The following KCNA6 variants were observed in gnomAD, a reference collection of about 807,000 sequenced individuals.
KCNA6 encodes human brain potassium channel-2.
Under a neutral mutation model 29.5 loss-of-function variants are expected in KCNA6, and 17 were observed. The ratio of observed to expected loss-of-function variants is 0.58; its 90% CI spans 0.39 to 0.86. The LOEUF (loss-of-function observed/expected upper bound fraction) is 0.86. KCNA6 is among the 40% of genes least tolerant of loss of function. The pLI, the probability that KCNA6 is intolerant of heterozygous loss-of-function variation, is 0.00. For synonymous variants in KCNA6, 296 were observed against 304.7 expected (o/e 0.97, Z 0.30); for missense variants, 450 against 703.4 (o/e 0.64, Z 4.07).
chr12:4,819,187 C>A, the KCNA6 span, among the ~76,000 whole-genome samples: 1 of 152,120 alleles, frequency 6.6e-6, no homozygotes, highest in East Asian at 1.9e-4. Flanking sequence ...TTCTATGGAT[C>A]CCTTTCTCAG....
the KCNA6 span, among the ~76,000 whole-genome samples, chr12:4,825,588 G>A: frequency 1.3e-5 from 2 of 152,140 alleles, no homozygotes; most frequent in Non-Finnish European, 2.9e-5. Flanking sequence ...TTTTCAGTTG[G>A]ACCATTCTGT....
the KCNA6 span, among the ~76,000 whole-genome samples, chr12:4,822,620 G>T: frequency 2.6e-5 from 4 of 152,174 alleles, no homozygotes; most frequent in Non-Finnish European, 5.9e-5. Context: ...GTAAAAATTA[G>T]AAATCAGGCA....
At chr12:4,833,068 A>T in the KCNA6 span, among the ~76,000 whole-genome samples, 1 of 152,168 alleles carries the variant, frequency 6.6e-6, no homozygotes. Flanking sequence ...CAGTGGCATT[A>T]AAAAAAGAGA....
At chr12:4,839,969 G>T in the KCNA6 span, among the ~76,000 whole-genome samples, 1 of 152,094 alleles carries the variant, frequency 6.6e-6, no homozygotes, top group African/African-American at 2.4e-5. Context: ...GTTTTCTGAA[G>T]TCAGTGAATT....
the KCNA6 span, among the ~76,000 whole-genome samples, chr12:4,828,282 T>C: frequency 6.6e-6 from 1 of 152,262 alleles, no homozygotes; most frequent in Admixed American, 6.5e-5. Flanking sequence ...TGTATATCTA[T>C]AGAGATCATT....
downstream of KCNA6, among the ~76,000 whole-genome samples, chr12:4,817,160 C>T (rs753050900): frequency 4.6e-5 from 7 of 152,212 alleles, no homozygotes; most frequent in Non-Finnish European, 1.0e-4. Context: ...TCCAATCCTA[C>T]CTTGTCACAG....
chr12:4,811,452 C>G lies in KCNA6; in HGVS notation c.1411C>G (p.Gln471Glu). The stretch of plus-strand genomic sequence containing the variant: ...CTACTTCTACCACCGGGAGACGGAG[C>G]AGGAGGAGCAAGGCCAGTATACCCA... The change falls in exon 1 of 1, where the codon CAG (glutamine) becomes GAG (glutamate). Residue 471 changes from glutamine to glutamate, a missense_variant. Gln to Glu is a conservative substitution (Grantham distance 29, BLOSUM62 2). Transcript: ENST00000280684. This position sits in a 1 kb window ranked among gnomAD's most constrained non-coding sequence, Gnocchi z 7.1. The G allele has an allele frequency of 3.7e-6, 6 of 1,614,200 alleles. No homozygotes were observed. Among genetic ancestry groups the G allele is most frequent in the Non-Finnish European group, 5.1e-6 (6 of 1,180,030 alleles).
In KCNA6 at chr12:4,810,727, A is replaced by G. The variant is rs755313790; in HGVS notation, c.686A>G (p.Asp229Gly). The G allele has an allele frequency of 2.5e-6, 4 of 1,612,640 alleles. No individual in the cohort carries two copies. The highest frequency in any genetic ancestry group is 3.3e-5 in the Admixed American group (2 of 59,972). ...AGTCAGGAGGAAGAGGAGGATGAAGACGATTCCTACACATTTCATCATGGC... is the reference window on the plus strand; with the variant it reads ...AGTCAGGAGGAAGAGGAGGATGAAGGCGATTCCTACACATTTCATCATGGC... The change falls in exon 1 of 1, where the codon GAC becomes GGC. Residue 229 changes from aspartate to glycine, a missense_variant. By Grantham distance (94) the Asp-to-Gly change is moderately conservative (BLOSUM62 -1). Around this residue, in one of 7 missense-constraint regions of KCNA6, gnomAD observed 74 missense variants for 71.5 expected, o/e 1.03. Transcript: ENST00000280684. This position sits in a 1 kb window ranked among gnomAD's most constrained non-coding sequence, Gnocchi z 7.5.
At chr12:4,840,265 G>A in the KCNA6 span, among the ~76,000 whole-genome samples, 6 of 151,724 alleles carry the variant, frequency 4.0e-5, no homozygotes, top group African/African-American at 7.3e-5. Context: ...ATAAAGTGAC[G>A]CTTGAGAGTG....
Position 4,810,634 on chromosome 12 carries a change from A to G in KCNA6, c.593A>G (p.Gln198Arg). Reference sequence around the variant, plus strand: ...ATCTTTTGCCTGGAGACCTTACCCCAGTTCCGTGTAGATGGTCGAGGTGGA... The same window carrying G: ...ATCTTTTGCCTGGAGACCTTACCCCGGTTCCGTGTAGATGGTCGAGGTGGA... The change falls in exon 1 of 1, where the codon CAG becomes CGG. Residue 198 changes from glutamine (Q) to arginine (R), a missense_variant. Around this residue, in one of 7 missense-constraint regions of KCNA6, gnomAD observed 133 missense variants for 217.5 expected, o/e 0.61. Transcript: ENST00000280684. This position sits in a 1 kb window ranked among gnomAD's most constrained non-coding sequence, Gnocchi z 7.5. 1.2e-6 allele frequency: 2 copies of G among 1,614,022 alleles called. No homozygotes were observed. The highest frequency in any genetic ancestry group is 1.7e-6 in the Non-Finnish European group (2 of 1,179,998).
At chr12:4,821,162 T>A in the KCNA6 span, among the ~76,000 whole-genome samples, 1 of 151,802 alleles carries the variant, frequency 6.6e-6, no homozygotes, top group African/African-American at 2.4e-5. Flanking sequence ...AGGACCAGGG[T>A]GAGGAGGAAG....
At chr12:4,809,920 C>A in exon 1 of KCNA6, 1 of 1,213,990 alleles carries the variant, frequency 8.2e-7, no homozygotes, top group Non-Finnish European at 1.1e-6. Flanking sequence ...GACCGCGAAC[C>A]GGGAGGAGCG....
At chr12:4,843,204 G>A in the KCNA6 span, among the ~76,000 whole-genome samples, 906 of 147,280 alleles carry the variant, frequency 6.2e-3, 10 homozygotes, top group African/African-American at 0.021. Flanking sequence ...TTTTTGAGAC[G>A]GAGTCTCACT....
Position 4,811,952 on chromosome 12 carries a change from A to G in KCNA6, c.*321A>G, listed in dbSNP as rs535822231. 19 of 302,012 alleles carry G rather than the reference A, an allele frequency of 6.3e-5. No individual in the cohort carries two copies. The South Asian group carries it at 7.4e-4, about 12-fold the overall frequency. The allele number at this position is 302,012 out of a possible 1,614,324, so 18.7% of individuals were successfully genotyped here. On this transcript the variant is annotated 3_prime_UTR_variant, in exon 1 of 1. Transcript: ENST00000280684. The surrounding 1 kb of genome is among the most constrained non-coding windows in gnomAD (Gnocchi z 7.1). ...TGATTTTTCATGTCTGGGACTTACAATATCTCAAGGAACAGCAATGTCAAC... is the reference window on the plus strand; with the variant it reads ...TGATTTTTCATGTCTGGGACTTACAGTATCTCAAGGAACAGCAATGTCAAC...
At chr12:4,828,681 C>T in the KCNA6 span, among the ~76,000 whole-genome samples, 41 of 152,144 alleles carry the variant, frequency 2.7e-4, no homozygotes, top group Admixed American at 2.4e-3. Context: ...CCAGTTGCCC[C>T]GTTATTATCT....
the KCNA6 span, among the ~76,000 whole-genome samples, chr12:4,837,056 G>A: frequency 6.6e-6 from 1 of 152,158 alleles, no homozygotes; most frequent in Non-Finnish European, 1.5e-5. Context: ...TTATAGGGCT[G>A]GAACTTTCAA....
the KCNA6 span, among the ~76,000 whole-genome samples, chr12:4,836,183 G>A: frequency 6.0e-5 from 9 of 150,720 alleles, no homozygotes; most frequent in East Asian, 1.8e-3. Flanking sequence ...CTCTGACCTC[G>A]GGTGATCCAC....
chr12:4,832,587 GA>G, the KCNA6 span, among the ~76,000 whole-genome samples: 20 of 152,268 alleles, frequency 1.3e-4, no homozygotes, highest in Admixed American at 4.6e-4. Context: ...GGCCTGCATT[GA>G]GACACTGTTT....
chr12:4,848,459 C>T, the KCNA6 span, among the ~76,000 whole-genome samples: 1 of 151,854 alleles, frequency 6.6e-6, no homozygotes, highest in African/African-American at 2.4e-5. Context: ...TTTACCTCCT[C>T]TCTCCTCCGT....
Sources: allele counts gnomAD v4.1 joint callset (sites outside exome capture counted in the v4.1 genomes callset), GRCh38; gene constraint gnomAD v4.1.1; regional missense constraint gnomAD v4.1.1; non-coding constraint Gnocchi (gnomAD v3.1); transcripts MANE v1.5; gene names NCBI Gene and HGNC (gene_info 2026-07-23, HGNC 2026-07-21).